The following PGM1 variants were observed in gnomAD, a reference collection of about 807,000 sequenced individuals.
The protein encoded by PGM1 is phosphoglucomutase-1.
In PGM1, 52 loss-of-function variants were observed where a neutral mutation model predicts 55.6. The observed-to-expected ratio is 0.94, with a 90% confidence interval of 0.75 to 1.18. The LOEUF (loss-of-function observed/expected upper bound fraction) is 1.18. Among genes scored for constraint, PGM1 ranks in the 50% most tolerant of loss-of-function variants. The pLI, the probability that PGM1 is intolerant of heterozygous loss-of-function variation, is 0.00. For missense variants in PGM1, 724 were observed against 729.3 expected (o/e 0.99, Z 0.08); for synonymous variants, 287 against 271.7 (o/e 1.06, Z -0.55).
chr1:63,638,188 G>A (rs1649411502), intron 6 of PGM1, among the ~76,000 whole-genome samples: 1 of 152,180 alleles, frequency 6.6e-6, no homozygotes, highest in Non-Finnish European at 1.5e-5. Context: ...ACTGACCAGA[G>A]AGCTGAATAC....
At chr1:63,652,675 A>G (rs1477259995) in intron 9 of PGM1, among the ~76,000 whole-genome samples, 2 of 152,114 alleles carry the variant, frequency 1.3e-5, no homozygotes, top group African/African-American at 4.8e-5. Context: ...CAATTGACCC[A>G]GATTTTTGGC....
intron 1 of PGM1, among the ~76,000 whole-genome samples, chr1:63,601,921 T>G (rs1648254807): frequency 6.6e-6 from 1 of 152,200 alleles, no homozygotes; most frequent in South Asian, 2.1e-4. Context: ...CAATAAAGAT[T>G]TAATCATGAA....
At chr1:63,647,322 A>G (rs1467152667) in intron 7 of PGM1, among the ~76,000 whole-genome samples, 1 of 130,752 alleles carries the variant, frequency 7.6e-6, no homozygotes, top group Non-Finnish European at 1.7e-5. Context: ...TTAAACATCT[A>G]CCTTAAGTGC....
Position 63,593,870 on chromosome 1 carries a change from C to G in PGM1, c.246+136C>G, listed in dbSNP as rs932637246. The G allele has an allele frequency of 3.1e-6, 4 of 1,290,748 alleles. No homozygotes were observed. The African/African-American group carries it at 6.3e-5, about 20-fold the overall frequency. 80.0% of individuals were successfully genotyped at this position (1,290,748 alleles called of 1,614,324 possible). A position where few individuals can be genotyped will look rare whatever the true frequency, so the allele number is the denominator to read the frequency against. ...GTTTCCACCTCCCGCTCCTCCCTCTCCTTCGCGCTCGCTCTTCTGGCCTGG... is the reference window on the plus strand; with the variant it reads ...GTTTCCACCTCCCGCTCCTCCCTCTGCTTCGCGCTCGCTCTTCTGGCCTGG... On this transcript the variant is annotated intron_variant, in intron 1 of 10. Transcript: ENST00000371084.
At chr1:63,646,420 A>C (rs1229961428) in intron 7 of PGM1, among the ~76,000 whole-genome samples, 1 of 152,176 alleles carries the variant, frequency 6.6e-6, no homozygotes, top group Non-Finnish European at 1.5e-5. Flanking sequence ...CCTCCCGAGA[A>C]GCCCATTTTA....
intron 10 of PGM1, among the ~76,000 whole-genome samples, chr1:63,659,294 G>A (rs1311288906): frequency 6.6e-6 from 1 of 152,170 alleles, no homozygotes; most frequent in African/African-American, 2.4e-5. Context: ...GAGATTTAGC[G>A]GGGAAAAGTC....
rs55760196 is a variant in PGM1, at chr1:63,647,259, C to CAT, written c.1145-1210_1145-1209dup. ...CTCCGTCTCAAAAAATAAAATTTTA[C>CAT]ATATATATATATATATATATATATA... is the stretch of plus-strand genomic sequence containing the variant. On this transcript the variant is annotated intron_variant, in intron 7 of 10. Coordinates refer to ENST00000371084, the MANE Select transcript of PGM1 (RefSeq NM_002633.3). 8.7e-3 allele frequency among the ~76,000 whole-genome samples: 481 copies of CAT among 55,016 alleles called. 15 individuals are homozygous for CAT. Among genetic ancestry groups the CAT allele is most frequent in the Middle Eastern group, 0.013 (1 of 80 alleles). 36.1% of individuals were successfully genotyped at this position (55,016 alleles called of 152,430 possible). A position where few individuals can be genotyped will look rare whatever the true frequency, so the allele number is the denominator to read the frequency against.
intron 1 of PGM1, among the ~76,000 whole-genome samples, chr1:63,598,225 C>T (rs765501186): frequency 2.0e-5 from 3 of 152,270 alleles, no homozygotes; most frequent in Admixed American, 6.5e-5. Context: ...CTGCCTGCCT[C>T]GGCCTTGCCT....
intron 3 of PGM1, 110 bp downstream of exon 3, chr1:63,630,198 C>A: frequency 9.2e-7 from 1 of 1,091,434 alleles, no homozygotes; most frequent in Non-Finnish European, 1.4e-6. Context: ...TCCGTGAGTG[C>A]TCTGTAAGCT....
At chr1:63,626,381 C>T (rs1649015550) in intron 1 of PGM1, among the ~76,000 whole-genome samples, 1 of 152,142 alleles carries the variant, frequency 6.6e-6, no homozygotes, top group Admixed American at 6.5e-5. Flanking sequence ...CCCATTTCCA[C>T]TCCCACCAGC....
chr1:63,632,795 G>A (rs1649231309), intron 4 of PGM1, among the ~76,000 whole-genome samples: 1 of 152,162 alleles, frequency 6.6e-6, no homozygotes, highest in Admixed American at 6.5e-5. Context: ...GGTGGATCAT[G>A]GGGTCAGGAG....
Position 63,659,610 on chromosome 1 carries a change from ATTGCTC to A in PGM1, c.1626_1631del (p.Ile542_Leu544delinsMet), listed in dbSNP as rs754020102. ...GGTCATGTTGGCCCCCCTTATTTCCATTGCTCTGAAAGTGTCCCAGCTGCAGGAGAG... is the reference window on the plus strand; with the variant it reads ...GGTCATGTTGGCCCCCCTTATTTCCATGAAAGTGTCCCAGCTGCAGGAGAG... On this transcript the variant is annotated inframe_deletion, in exon 11 of 11. Transcript: ENST00000371084. 6.2e-7 allele frequency: 1 copy of A among 1,613,918 alleles called. No homozygotes were observed. Among genetic ancestry groups the A allele is most frequent in the Non-Finnish European group, 8.5e-7 (1 of 1,179,966 alleles).
At position 63,607,178 on chromosome 1, in the gene PGM1, C is replaced by G. The variant is rs185167504; in HGVS notation, c.246+13444C>G. Among the ~76,000 whole-genome samples, 8 of 152,298 alleles carry G rather than the reference C, an allele frequency of 5.3e-5. No homozygotes were observed. In the East Asian group the frequency reaches 7.7e-4, roughly 15 times the overall value. Reference sequence around the variant, plus strand: ...GCCGTTAGTCTACTTTCAGTCTCTACGTTTGTGTGGGTAGACTTTACATGG... The same window carrying G: ...GCCGTTAGTCTACTTTCAGTCTCTAGGTTTGTGTGGGTAGACTTTACATGG... On this transcript the variant is annotated intron_variant, in intron 1 of 10. Transcript: ENST00000371084.
chr1:63,606,425 T>C (rs1441027568), intron 1 of PGM1, among the ~76,000 whole-genome samples: 1 of 152,164 alleles, frequency 6.6e-6, no homozygotes, highest in African/African-American at 2.4e-5. Flanking sequence ...TGTGGCTCCA[T>C]TATACACAGG....
chr1:63,594,833 C>A (rs6588051), intron 1 of PGM1, among the ~76,000 whole-genome samples: 125 of 146,746 alleles, frequency 8.5e-4, no homozygotes, highest in African/African-American at 3.1e-3. Context: ...TGGTGGCGGG[C>A]GCCTGTAGTC....
chr1:63,600,349 T>C (rs1384774823), intron 1 of PGM1: 1 of 152,236 alleles, frequency 6.6e-6, no homozygotes, highest in East Asian at 1.9e-4. Context: ...ACGTTCTCCC[T>C]TTCTGAGATA....
intron 1 of PGM1, among the ~76,000 whole-genome samples, chr1:63,596,229 C>G (rs940701032): frequency 2.5e-5 from 2 of 81,190 alleles, no homozygotes; most frequent in African/African-American, 2.1e-4. Context: ...TTTCTTTCTT[C>G]TTTCTTTCTT....
At chr1:63,629,905 G>A (rs1441340284) in intron 2 of PGM1, 37 bp from the exon 3 acceptor site, 2 of 1,612,554 alleles carry the variant, frequency 1.2e-6, no homozygotes, top group South Asian at 1.1e-5. Context: ...CATGTGAGCT[G>A]CACGAAGTAA....
At chr1:63,653,146 G>A (rs1017765804) in intron 9 of PGM1, among the ~76,000 whole-genome samples, 6 of 152,194 alleles carry the variant, frequency 3.9e-5, no homozygotes, top group Non-Finnish European at 7.4e-5. Flanking sequence ...GCTGCCCTCT[G>A]TGCTGTAAAG....
Sources: allele counts gnomAD v4.1 joint callset (sites outside exome capture counted in the v4.1 genomes callset), GRCh38; gene constraint gnomAD v4.1.1; transcripts MANE v1.5; gene names NCBI Gene and HGNC (gene_info 2026-07-23, HGNC 2026-07-21).